GLB1: variants seen among roughly 807,000 people sequenced by gnomAD.
GLB1 encodes galactosidase beta 1.
In GLB1, 56 loss-of-function variants were observed where a neutral mutation model predicts 74.0. The ratio of observed to expected loss-of-function variants is 0.76; its 90% confidence interval spans 0.61 to 0.94. The LOEUF (loss-of-function observed/expected upper bound fraction) is 0.94, where lower values mean the gene tolerates loss of function less well. Ranked by LOEUF, GLB1 falls within the 40% of genes least tolerant of loss-of-function variation. The pLI is 0.00. For missense variants in GLB1, 787 were observed against 845.5 expected (o/e 0.93, Z 0.86); for synonymous variants, 323 against 323.6 (o/e 1.00, Z 0.02).
At chr3:32,972,353 G>A in the GLB1 span, among the ~76,000 whole-genome samples, 2 of 152,158 alleles carry the variant, frequency 1.3e-5, no homozygotes, top group African/African-American at 4.8e-5. Flanking sequence ...ACCAACTGTT[G>A]CCTAGAAATC....
intron 15 of GLB1, among the ~76,000 whole-genome samples, chr3:33,011,154 A>G (rs140693355): frequency 0.016 from 2,450 of 152,218 alleles, 41 homozygotes; most frequent in Admixed American, 0.056. Context: ...CACCACACCC[A>G]GTAAAACATA....
intron 1 of GLB1, chr3:33,092,187 G>A (rs1292575637): frequency 1.0e-6 from 1 of 985,678 alleles, no homozygotes; most frequent in Non-Finnish European, 1.2e-6. Context: ...AAAGGCCCAG[G>A]AGCACAGACA....
At chr3:33,095,685 TC>T (rs1700994020) in intron 1 of GLB1, among the ~76,000 whole-genome samples, 1 of 152,118 alleles carries the variant, frequency 6.6e-6, no homozygotes. Context: ...GTCCACCTGT[TC>T]CTGGTTCATA....
chr3:32,997,213 C>CTCCAGT lies in GLB1; in HGVS notation c.1860_1865dup (p.Leu621_Glu622dup). 1 of 1,614,170 alleles carries CTCCAGT rather than the reference C, an allele frequency of 6.2e-7. No homozygotes were observed. Among genetic ancestry groups the CTCCAGT allele is most frequent in the South Asian group, 1.1e-5 (1 of 91,086 alleles). Reference sequence around the variant, plus strand: ...GATCATCACTGCTGCAGGGTGCCCACTCCAGTTCCAGCACGGTGATGGTGT... The same window carrying CTCCAGT: ...GATCATCACTGCTGCAGGGTGCCCACTCCAGTTCCAGTTCCAGCACGGTGATGGTGT... On this transcript the variant is annotated inframe_insertion, in exon 16 of 16. Transcript: ENST00000307363.
At chr3:32,979,226 C>T in the GLB1 span, among the ~76,000 whole-genome samples, 1 of 151,878 alleles carries the variant, frequency 6.6e-6, no homozygotes, top group African/African-American at 2.4e-5. Flanking sequence ...TCCACCTGCT[C>T]CGGTCTCCCA....
intron 14 of GLB1, 23 bp from the exon 15 acceptor site, chr3:33,014,333 A>C: frequency 6.2e-7 from 1 of 1,612,302 alleles, no homozygotes; most frequent in African/African-American, 1.3e-5. Flanking sequence ...AACAGAGCAC[A>C]GTGAGCTGGG....
In GLB1 at chr3:33,093,730, GGCTGCCCAC is replaced by G; in HGVS notation, c.75+3272_75+3280del. ...AGCACGAGCTTCCTTGTCTTCTCAAGGCTGCCCACGACCCTACCACTGCGCCAGGCCAAG... is the reference window on the plus strand; with the variant it reads ...AGCACGAGCTTCCTTGTCTTCTCAAGGACCCTACCACTGCGCCAGGCCAAG... On this transcript the variant is annotated intron_variant, in intron 1 of 15. Transcript: ENST00000307363. The surrounding 1 kb of genome is among the most constrained non-coding windows in gnomAD (Gnocchi z 6.0). The G allele has an allele frequency of 6.2e-7, 1 of 1,613,988 alleles. No homozygotes were observed. Among genetic ancestry groups the G allele is most frequent in the Non-Finnish European group, 8.5e-7 (1 of 1,179,928 alleles).
chr3:33,025,665 G>A (rs1697713767), intron 10 of GLB1, among the ~76,000 whole-genome samples: 1 of 148,782 alleles, frequency 6.7e-6, no homozygotes, highest in African/African-American at 2.5e-5. Context: ...TGGCTGTGGC[G>A]GAAGGAGGTC....
chr3:32,983,238 G>A, the GLB1 span, among the ~76,000 whole-genome samples: 1 of 152,150 alleles, frequency 6.6e-6, no homozygotes, highest in East Asian at 1.9e-4. Flanking sequence ...TTAAGCACAT[G>A]TTTAATCATT....
chr3:33,046,045 G>A (rs564492284), intron 10 of GLB1, 75 bp downstream of exon 10: 2 of 1,546,308 alleles, frequency 1.3e-6, no homozygotes, highest in Non-Finnish European at 8.8e-7. Flanking sequence ...GCAGGAAGTT[G>A]TCCACAGAGC....
intron 10 of GLB1, among the ~76,000 whole-genome samples, chr3:33,025,208 G>C (rs557773890): frequency 6.6e-6 from 1 of 152,316 alleles, no homozygotes; most frequent in African/African-American, 2.4e-5. Flanking sequence ...GCCTCCCAAA[G>C]TGCTCGGATT....
At chr3:33,042,370 C>CTTCTTTT (rs1698539198) in intron 10 of GLB1, among the ~76,000 whole-genome samples, 1 of 99,240 alleles carries the variant, frequency 1.0e-5, no homozygotes, top group East Asian at 2.4e-4. Context: ...TCATCTCCTC[C>CTTCTTTT]TTTTTTTTTT....
intron 6 of GLB1, among the ~76,000 whole-genome samples, chr3:33,057,773 T>C (rs1262361824): frequency 6.6e-6 from 1 of 152,128 alleles, no homozygotes; most frequent in African/African-American, 2.4e-5. Context: ...TGCCTCAAGG[T>C]AGAGCTTCTC....
chr3:33,061,250 A>C (rs960749102), intron 5 of GLB1, among the ~76,000 whole-genome samples: 1 of 151,942 alleles, frequency 6.6e-6, no homozygotes, highest in Non-Finnish European at 1.5e-5. Context: ...ATCTCTACTA[A>C]AAATACAAAA....
At chr3:33,023,077 G>A (rs1238489371) in intron 11 of GLB1, among the ~76,000 whole-genome samples, 4 of 152,112 alleles carry the variant, frequency 2.6e-5, no homozygotes, top group African/African-American at 9.7e-5. Context: ...ATCTTCAACT[G>A]TATATATTTA....
chr3:33,048,629 C>G (rs980099541), intron 9 of GLB1, among the ~76,000 whole-genome samples: 1 of 152,224 alleles, frequency 6.6e-6, no homozygotes, highest in African/African-American at 2.4e-5. Context: ...GCCTGAAGAA[C>G]AGCTGCTAAG....
the GLB1 span, among the ~76,000 whole-genome samples, chr3:32,989,804 T>C: frequency 1.3e-5 from 2 of 152,214 alleles, no homozygotes; most frequent in Non-Finnish European, 1.5e-5. Flanking sequence ...CCTGATTTTG[T>C]GTAAATCACA....
In GLB1 at chr3:33,053,538, T is replaced by C. The variant is rs188876003; in HGVS notation, c.745A>G (p.Thr249Ala). ...TTCCTCTGGCTTAGGAAAGCATCTG[T>C]GATGTTGCTGCCTGAAAATTGTAAG... ...TVDFGTGSNI[T>A]DAFLSQRKCE... is the part of the protein sequence containing the mutation. Residue 249 changes from threonine (T) to alanine (A), a missense_variant, in exon 7 of 16, where the codon ACA becomes GCA. Transcript: ENST00000307363. 1 of 1,614,120 alleles carries C rather than the reference T, an allele frequency of 6.2e-7. No individual in the cohort carries two copies. The highest frequency in any genetic ancestry group is 2.2e-5 in the East Asian group (1 of 44,880).
intron 15 of GLB1, among the ~76,000 whole-genome samples, chr3:33,003,575 C>T (rs996444723): frequency 3.3e-5 from 5 of 152,112 alleles, no homozygotes; most frequent in East Asian, 1.9e-4. Flanking sequence ...GTGAATTAGA[C>T]GGAAATAGTA....
Sources: gnomAD v4.1 joint callset for allele counts (sites outside exome capture counted in the v4.1 genomes callset) on GRCh38, gnomAD v4.1.1 for gene constraint, Gnocchi (gnomAD v3.1) non-coding constraint, MANE v1.5 for transcripts, NCBI Gene and HGNC (gene_info 2026-07-23, HGNC 2026-07-21) for gene names.